Variants in CASP6 observed in about 807,000 individuals in gnomAD.
CASP6 encodes caspase-6.
Under a neutral mutation model 31.8 loss-of-function variants are expected in CASP6, and 20 were observed. The observed-to-expected ratio is 0.63, with a 90% confidence interval of 0.44 to 0.91. The LOEUF (loss-of-function observed/expected upper bound fraction) is 0.91. Among genes scored for constraint, CASP6 ranks in the 40% least tolerant of loss-of-function variants. The probability of loss-of-function intolerance (pLI) is 0.00; values close to 1 mark genes in which losing one functional copy is unlikely to be tolerated. For synonymous variants in CASP6, 130 were observed against 127.8 expected, an observed-to-expected ratio of 1.02 and a Z score of -0.12; for missense variants, 328 against 361.1, an observed-to-expected ratio of 0.91 and a Z score of 0.74.
rs1217071522 is a variant in CASP6, at chr4:109,690,980, T to G, written c.513A>C (p.Pro171=). ...TATCTACTACATCCAAAGGAATGAC[T>G]GGCACATCGTGCTGGTTTCCCCGAC... ...QACRGNQHDV[P]VIPLDVVDNQ... The change falls in exon 6 of 7, where the codon CCA becomes CCC. Residue 171 remains proline, a synonymous_variant. Transcript: ENST00000265164. The G allele has an allele frequency of 1.9e-6, 3 of 1,612,942 alleles. No homozygotes were observed. In the Admixed American group the frequency reaches 5.0e-5, roughly 27 times the overall value.
At chr4:109,697,007 C>T (rs1374970718) in intron 3 of CASP6, among the ~76,000 whole-genome samples, 2 of 151,800 alleles carry the variant, frequency 1.3e-5, no homozygotes, top group Non-Finnish European at 2.9e-5. Flanking sequence ...AGGATGGTCT[C>T]AATCTCCTGA....
chr4:109,668,888 G>T, the CASP6 span, among the ~76,000 whole-genome samples: 1 of 151,792 alleles, frequency 6.6e-6, no homozygotes, highest in African/African-American at 2.4e-5. Context: ...ACATTATATT[G>T]CTTCACGGCT....
chr4:109,698,428 CA>C (rs1730318764), intron 1 of CASP6, 86 bp from the exon 2 acceptor site: 1 of 1,164,002 alleles, frequency 8.6e-7, no homozygotes, highest in Non-Finnish European at 1.2e-6. Context: ...TTCTGACTCC[CA>C]AACTCTTAAG....
chr4:109,707,612 C>T (rs1730645772), upstream of CASP6, among the ~76,000 whole-genome samples: 1 of 152,010 alleles, frequency 6.6e-6, no homozygotes, highest in Admixed American at 6.6e-5. Context: ...TATCAAACTC[C>T]CGACCTGGTA....
chr4:109,677,132 C>G, the CASP6 span, among the ~76,000 whole-genome samples: 1 of 152,228 alleles, frequency 6.6e-6, no homozygotes. Flanking sequence ...AAAGATTGTT[C>G]TGAAGTTTTA....
the CASP6 span, among the ~76,000 whole-genome samples, chr4:109,709,747 C>T: frequency 6.6e-5 from 10 of 152,158 alleles, no homozygotes; most frequent in Non-Finnish European, 1.0e-4. Flanking sequence ...AGAGATAATT[C>T]TACAACTTAA....
chr4:109,703,699 C>T (rs1730510815), upstream of CASP6: 2 of 483,716 alleles, frequency 4.1e-6, no homozygotes, highest in Non-Finnish European at 3.7e-6. Flanking sequence ...TGCCAGTTGC[C>T]ACCCGGGGGG....
intron 6 of CASP6, among the ~76,000 whole-genome samples, chr4:109,690,504 A>G (rs997138428): frequency 6.6e-6 from 1 of 151,794 alleles, no homozygotes; most frequent in Non-Finnish European, 1.5e-5. Flanking sequence ...CCTCAGTGAC[A>G]GAGTTGAGAC....
chr4:109,667,224 T>C, the CASP6 span, among the ~76,000 whole-genome samples: 2 of 152,130 alleles, frequency 1.3e-5, no homozygotes, highest in African/African-American at 4.8e-5. Context: ...GACCTGGTGC[T>C]TTCTGTTTTG....
intron 1 of CASP6, among the ~76,000 whole-genome samples, chr4:109,701,259 G>A (rs528912050): frequency 3.9e-5 from 6 of 152,178 alleles, no homozygotes; most frequent in South Asian, 2.1e-4. Flanking sequence ...CACCACGCCC[G>A]GCCTGCGTTA....
the CASP6 span, among the ~76,000 whole-genome samples, chr4:109,670,244 A>G: frequency 2.0e-5 from 3 of 151,956 alleles, no homozygotes; most frequent in Non-Finnish European, 4.4e-5. Flanking sequence ...CCCTGGACTT[A>G]GAACTTCACA....
chr4:109,694,432 G>C (rs1007334792), intron 5 of CASP6, 93 bp downstream of exon 5: 1 of 1,191,234 alleles, frequency 8.4e-7, no homozygotes, highest in South Asian at 2.0e-5. Flanking sequence ...CCAATTACTG[G>C]AGAAAGTTAC....
intron 4 of CASP6, among the ~76,000 whole-genome samples, chr4:109,695,370 C>A (rs1490576227): frequency 1.3e-5 from 2 of 152,144 alleles, no homozygotes; most frequent in African/African-American, 4.8e-5. Context: ...TAAAAATTTC[C>A]TTGAATCAGC....
At chr4:109,666,625 T>C in the CASP6 span, among the ~76,000 whole-genome samples, 1 of 152,204 alleles carries the variant, frequency 6.6e-6, no homozygotes, top group East Asian at 1.9e-4. Flanking sequence ...CTTTGCCCAT[T>C]TTGTGATCAG....
At chr4:109,698,182 A>T in intron 2 of CASP6, 118 bp downstream of exon 2, 1 of 1,076,096 alleles carries the variant, frequency 9.3e-7, no homozygotes, top group Non-Finnish European at 1.3e-6. Flanking sequence ...CAAAGGCTAA[A>T]ACTTGGCCTA....
chr4:109,674,077 A>T, the CASP6 span: 2 of 1,451,402 alleles, frequency 1.4e-6, no homozygotes, highest in African/African-American at 1.4e-5. Context: ...GACTGTTGGT[A>T]TGGGCTATTC....
upstream of CASP6, among the ~76,000 whole-genome samples, chr4:109,707,734 A>G (rs1466561711): frequency 6.6e-6 from 1 of 152,168 alleles, no homozygotes; most frequent in Non-Finnish European, 1.5e-5. Context: ...ATTCAGGGAC[A>G]GAACCATGCA....
At chr4:109,689,610 T>C (rs1175618550) in intron 6 of CASP6, 42 bp from the exon 7 acceptor site, 1 of 1,539,540 alleles carries the variant, frequency 6.5e-7, no homozygotes, top group Non-Finnish European at 9.0e-7. Context: ...GTTTTCTGGC[T>C]TTCAATTACT....
At chr4:109,684,555 TGTACTCC>T (rs1729792717), downstream of CASP6, 2 of 1,610,008 alleles carry the variant, frequency 1.2e-6, no homozygotes, top group South Asian at 2.2e-5. Flanking sequence ...ACGTGGTGGG[TGTACTCC>T]TGGGATATCA....
Sources: allele counts gnomAD v4.1 joint callset (sites outside exome capture counted in the v4.1 genomes callset), GRCh38; gene constraint gnomAD v4.1.1; transcripts MANE v1.5; gene names NCBI Gene and HGNC (gene_info 2026-07-23, HGNC 2026-07-21).